ARHGAP30: variants seen among roughly 807,000 people sequenced by gnomAD.
The protein encoded by ARHGAP30 is rho GTPase-activating protein 30.
A neutral mutation model predicts 72.0 loss-of-function variants in ARHGAP30; 23 were observed. The observed-to-expected ratio is 0.32, with a 90% confidence interval of 0.23 to 0.45. The LOEUF (loss-of-function observed/expected upper bound fraction) is 0.45, where lower values mean the gene tolerates loss of function less well. Ranked by LOEUF, ARHGAP30 falls within the 20% of genes least tolerant of loss-of-function variation. ARHGAP30 has a pLI of 1.00. For synonymous variants in ARHGAP30, 576 were observed against 528.2 expected, an observed-to-expected ratio of 1.09 and a Z score of -1.24; for missense variants, 1,319 against 1,383.4, an observed-to-expected ratio of 0.95 and a Z score of 0.74.
chr1:161,061,528 A>G (rs1348166382), intron 1 of ARHGAP30, among the ~76,000 whole-genome samples: 1 of 127,800 alleles, frequency 7.8e-6, no homozygotes, highest in Non-Finnish European at 1.6e-5. Flanking sequence ...ATCAAATACA[A>G]GAATATCTGA....
intron 3 of ARHGAP30, 67 bp downstream of exon 3, chr1:161,056,321 T>C: frequency 6.4e-7 from 1 of 1,570,300 alleles, no homozygotes; most frequent in African/African-American, 1.4e-5. Context: ...TGTGGCACAC[T>C]TGGGATGTCA....
In ARHGAP30 at chr1:161,047,816, G is replaced by GA; in HGVS notation, c.3204_3205insT (p.Pro1069SerfsTer9). 6.2e-7 allele frequency: 1 copy of GA among 1,608,514 alleles called. No individual in the cohort carries two copies. Among genetic ancestry groups the GA allele is most frequent in the Non-Finnish European group, 8.5e-7 (1 of 1,177,832 alleles). On this transcript the variant is annotated frameshift_variant, in exon 12 of 12. Coordinates refer to ENST00000368013, the MANE Select transcript of ARHGAP30 (RefSeq NM_001025598.2). LOFTEE classifies it high-confidence loss of function. ...TCAGGAACCTGGGGTTCTCTGGGGGGCAGACTAAGACGACTCCGGGATCCA... is the reference window on the plus strand; with the variant it reads ...TCAGGAACCTGGGGTTCTCTGGGGGGACAGACTAAGACGACTCCGGGATCCA...
chr1:161,049,192 A>C lies in ARHGAP30; in HGVS notation c.1829T>G (p.Leu610Arg). 3 of 1,614,154 alleles carry C rather than the reference A, an allele frequency of 1.9e-6. No homozygotes were observed. The highest frequency in any genetic ancestry group is 2.5e-6 in the Non-Finnish European group (3 of 1,180,004). ...VEEENGEEVF[L>R]SAYDDLSPLL... ...GGGACTTAGGTCATCATAGGCACTC[A>C]GGAAAACTTCCTCCCCATTTTCCTC... is the stretch of plus-strand genomic sequence containing the variant. Residue 610 changes from leucine (L) to arginine (R), a missense_variant, in exon 12 of 12, where the codon CTG (leucine) becomes CGG (arginine). Leu to Arg is a moderately radical substitution (Grantham distance 102). Transcript: ENST00000368013.
At chr1:161,064,833 GAA>G (rs1444462831) in intron 1 of ARHGAP30, among the ~76,000 whole-genome samples, 8 of 66,978 alleles carry the variant, frequency 1.2e-4, no homozygotes, top group Admixed American at 3.1e-4. Flanking sequence ...GAAAGAAAGA[GAA>G]AGAAAGAAAG....
intron 3 of ARHGAP30, 108 bp from the exon 4 acceptor site, chr1:161,054,813 T>G: frequency 1.1e-6 from 1 of 939,676 alleles, no homozygotes; most frequent in South Asian, 1.4e-5. Flanking sequence ...CTGGACTCTG[T>G]GCTACCCCAT....
At chr1:161,052,205 C>T (rs1354897480) in intron 9 of ARHGAP30, 81 bp downstream of exon 9, 22 of 1,477,222 alleles carry the variant, frequency 1.5e-5, no homozygotes, top group Admixed American at 3.4e-5. Flanking sequence ...TTATTGAACA[C>T]AGTTGGCTGC....
intron 1 of ARHGAP30, among the ~76,000 whole-genome samples, chr1:161,068,994 TC>T (rs1427508241): frequency 6.6e-6 from 1 of 152,062 alleles, no homozygotes; most frequent in African/African-American, 2.4e-5. Flanking sequence ...CAGCCCGACA[TC>T]ATCCCCTGCG....
At chr1:161,055,389 A>G (rs1651748164) in intron 3 of ARHGAP30, among the ~76,000 whole-genome samples, 1 of 152,154 alleles carries the variant, frequency 6.6e-6, no homozygotes, top group Admixed American at 6.6e-5. Flanking sequence ...TCTACTCAGG[A>G]GGCTGAGGTA....
At chr1:161,062,771 T>C (rs1652413420) in intron 1 of ARHGAP30, among the ~76,000 whole-genome samples, 1 of 152,008 alleles carries the variant, frequency 6.6e-6, no homozygotes, top group African/African-American at 2.4e-5. Flanking sequence ...TAACCTCCAA[T>C]TCCAAACCTT....
rs188726974 is a variant in ARHGAP30, at chr1:161,062,103, C to A, written c.98-2387G>T. Among the ~76,000 whole-genome samples, 994 of 150,796 alleles carry A rather than the reference C, an allele frequency of 6.6e-3. 2 individuals carry two copies. Among genetic ancestry groups the A allele is most frequent in the Middle Eastern group, 0.034 (10 of 290 alleles). On this transcript the variant is annotated intron_variant, in intron 1 of 11. Coordinates refer to ENST00000368013, the MANE Select transcript of ARHGAP30 (RefSeq NM_001025598.2). ...ACTCGGTCTTTAAAAACAACAACAA[C>A]AAAAAAAAACCATGTATTGAAACCC...
intron 1 of ARHGAP30, among the ~76,000 whole-genome samples, chr1:161,062,706 G>A (rs1652403911): frequency 6.6e-6 from 1 of 151,746 alleles, no homozygotes; most frequent in African/African-American, 2.4e-5. Context: ...TCCAGCCTGG[G>A]GGACAGAGTG....
intron 3 of ARHGAP30, among the ~76,000 whole-genome samples, chr1:161,055,295 C>A (rs762767803): frequency 2.6e-5 from 4 of 152,076 alleles, no homozygotes; most frequent in Non-Finnish European, 4.4e-5. Flanking sequence ...AGCTTGAGAC[C>A]AGCGTGGGCA....
intron 1 of ARHGAP30, among the ~76,000 whole-genome samples, chr1:161,065,873 T>TTATTTATA (rs1244874016): frequency 1.1e-5 from 1 of 92,510 alleles, no homozygotes; most frequent in Non-Finnish European, 1.9e-5. Flanking sequence ...GGCCCCTTAT[T>TTATTTATA]TATTTATTTA....
At chr1:161,057,108 A>G (rs916326526) in intron 2 of ARHGAP30, among the ~76,000 whole-genome samples, 8 of 152,338 alleles carry the variant, frequency 5.3e-5, no homozygotes, top group African/African-American at 1.4e-4. Flanking sequence ...TAGCATTCCA[A>G]ACATATAAAG....
In ARHGAP30 at chr1:161,054,637, A is replaced by G. The variant is rs1651693225; in HGVS notation, c.414T>C (p.Pro138=). ...VKILEVLREL[P]VPNYRTLEFL... is the part of the protein sequence containing the mutation. ...GTGTCACATACCTGTAGTTTGGGAC[A>G]GGGAGTTCCCGAAGCACCTCTAGGA... is the stretch of plus-strand genomic sequence containing the variant. Residue 138 remains proline, a synonymous_variant, in exon 4 of 12, where the codon CCT becomes CCC. Transcript: ENST00000368013. The G allele has an allele frequency of 6.2e-7, 1 of 1,614,088 alleles. No individual in the cohort carries two copies. The highest frequency in any genetic ancestry group is 1.3e-5 in the African/African-American group (1 of 75,058).
intron 4 of ARHGAP30, 62 bp from the exon 5 acceptor site, chr1:161,054,535 C>T (rs1281914228): frequency 6.2e-7 from 1 of 1,604,276 alleles, no homozygotes; most frequent in Non-Finnish European, 8.5e-7. Flanking sequence ...AGGGCTGGGA[C>T]CTGGGAGCAG....
rs755796672 is a variant in ARHGAP30, at chr1:161,054,676, C to T, written c.375G>A (p.Glu125=). 7 of 1,614,006 alleles carry T rather than the reference C, an allele frequency of 4.3e-6. No individual in the cohort carries two copies. The highest frequency in any genetic ancestry group is 5.9e-6 in the Non-Finnish European group (7 of 1,180,022). ...GCACCTCTAGGATCTTGACCAAGCG[C>T]TCAGGTTCCAATTGCACTCCTACAG... ...AEAVGVQLEP[E]RLVKILEVLR... is the part of the protein sequence containing the mutation. The change falls in exon 4 of 12, where the codon GAG becomes GAA. Residue 125 remains glutamate (E), a synonymous_variant. Coordinates refer to ENST00000368013, the MANE Select transcript of ARHGAP30 (RefSeq NM_001025598.2).
chr1:161,048,834 C>T lies in ARHGAP30; in HGVS notation c.2187G>A (p.Met729Ile), dbSNP rs1340970205. 3 of 1,614,118 alleles carry T rather than the reference C, an allele frequency of 1.9e-6. No individual in the cohort carries two copies. Among genetic ancestry groups the T allele is most frequent in the South Asian group, 2.2e-5 (2 of 91,078 alleles). ...KSKGQKKADSMEAKGVEEPGG... is the reference protein window; with the variant it reads ...KSKGQKKADSIEAKGVEEPGG... ...CTGGTTCCTCCACACCTTTAGCCTCCATACTGTCAGCCTTCTTCTGACCTT... is the reference window on the plus strand; with the variant it reads ...CTGGTTCCTCCACACCTTTAGCCTCTATACTGTCAGCCTTCTTCTGACCTT... Residue 729 changes from methionine to isoleucine, a missense_variant, in exon 12 of 12, where the codon ATG becomes ATA. Around this residue, in one of 2 missense-constraint regions of ARHGAP30, gnomAD observed 1,097 missense variants for 1,045.2 expected, o/e 1.05. Coordinates refer to ENST00000368013, the MANE Select transcript of ARHGAP30 (RefSeq NM_001025598.2).
At chr1:161,061,433 G>A (rs1383155437) in intron 1 of ARHGAP30, among the ~76,000 whole-genome samples, 3 of 152,090 alleles carry the variant, frequency 2.0e-5, no homozygotes, top group African/African-American at 7.2e-5. Flanking sequence ...GATTACAGGC[G>A]TGAGCCACCG....
Sources: allele counts gnomAD v4.1 joint callset (sites outside exome capture counted in the v4.1 genomes callset), GRCh38; gene constraint gnomAD v4.1.1; regional missense constraint gnomAD v4.1.1; transcripts MANE v1.5; gene names NCBI Gene and HGNC (gene_info 2026-07-23, HGNC 2026-07-21).